The following HMGB1 variants were observed in gnomAD, a reference collection of about 807,000 sequenced individuals.
HMGB1 encodes the protein high mobility group protein B1.
For missense variants in HMGB1, 79 were observed against 253.5 expected (o/e 0.31, Z 4.67); for synonymous variants, 81 against 84.0 (o/e 0.96, Z 0.19).
intron 1 of HMGB1, among the ~76,000 whole-genome samples, chr13:30,517,310 T>A (rs1888123123): frequency 6.6e-6 from 1 of 152,266 alleles, no homozygotes. Flanking sequence ...CCACTGAGAA[T>A]GCAGTTCTTA....
At chr13:30,595,301 C>T (rs1358314608) in intron 1 of HMGB1, among the ~76,000 whole-genome samples, 14 of 152,070 alleles carry the variant, frequency 9.2e-5, no homozygotes, top group Admixed American at 8.5e-4. Context: ...AGGTAATTTG[C>T]ACCTTTCCAA....
chr13:30,481,247 G>A (rs1399730809), intron 1 of HMGB1, among the ~76,000 whole-genome samples: 1 of 144,514 alleles, frequency 6.9e-6, no homozygotes, highest in African/African-American at 2.6e-5. Flanking sequence ...TTTTTCAGAG[G>A]GATTTTTTGA....
intron 1 of HMGB1, chr13:30,465,167 C>T (rs997436736): frequency 7.3e-6 from 7 of 963,354 alleles, no homozygotes; most frequent in African/African-American, 7.2e-5. Context: ...CCAGCGAGCG[C>T]AGCGGCGCCG....
chr13:30,522,713 T>C (rs1888267714), intron 1 of HMGB1, among the ~76,000 whole-genome samples: 1 of 148,440 alleles, frequency 6.7e-6, no homozygotes, highest in Non-Finnish European at 1.5e-5. Context: ...GCTTGGGTTA[T>C]GAAGGCAAAC....
chr13:30,521,121 C>A (rs1005458248), intron 1 of HMGB1, among the ~76,000 whole-genome samples: 1 of 152,166 alleles, frequency 6.6e-6, no homozygotes, highest in Admixed American at 6.6e-5. Flanking sequence ...AAGCCCAGAA[C>A]TGATCTTTGC....
upstream of HMGB1, among the ~76,000 whole-genome samples, chr13:30,468,257 GTTA>G (rs1455392308): frequency 3.9e-5 from 6 of 152,080 alleles, no homozygotes; most frequent in South Asian, 2.1e-4. Flanking sequence ...TGTTGTTGTT[GTTA>G]TTGTTGTTGT....
chr13:30,557,567 C>A (rs542931793), intron 1 of HMGB1, among the ~76,000 whole-genome samples: 1 of 152,312 alleles, frequency 6.6e-6, no homozygotes, highest in African/African-American at 2.4e-5. Context: ...CTTACACTTA[C>A]AGATTCACCT....
In HMGB1 at chr13:30,538,689, CTTT is replaced by C. The variant is rs1566019218; in HGVS notation, c.-14-74998_-14-74996del. On this transcript the variant is annotated intron_variant, in intron 1 of 4. Coordinates refer to the HMGB1 transcript ENST00000405805. Reference sequence around the variant, plus strand: ...CTTTCTTTCTTTCTTTCTTTCCTTTCTTTCTTTCTTTCTTTTTCTTTCTTTCTT... The same window carrying C: ...CTTTCTTTCTTTCTTTCTTTCCTTTCCTTTCTTTCTTTTTCTTTCTTTCTT... Among the ~76,000 whole-genome samples the C allele has an allele frequency of 1.5e-3, 97 of 65,856 alleles. 3 individuals are homozygous for C. In the South Asian group the frequency reaches 0.024, roughly 16 times the overall value. 43.2% of individuals were successfully genotyped at this position (65,856 alleles called of 152,430 possible).
At chr13:30,593,484 A>C (rs74043509) in intron 1 of HMGB1, among the ~76,000 whole-genome samples, 8,749 of 152,286 alleles carry the variant, frequency 0.057, 649 homozygotes, top group African/African-American at 0.17. Flanking sequence ...AGAAAGCCAC[A>C]AAAGTTCACC....
intron 1 of HMGB1, among the ~76,000 whole-genome samples, chr13:30,587,164 T>G (rs1015903759): frequency 7.2e-5 from 11 of 152,274 alleles, no homozygotes; most frequent in Middle Eastern, 3.4e-3. Context: ...ATAGGCTAAA[T>G]CAGTACTGGT....
intron 1 of HMGB1, among the ~76,000 whole-genome samples, chr13:30,591,623 C>T (rs1871377921): frequency 1.3e-5 from 2 of 151,922 alleles, no homozygotes; most frequent in South Asian, 4.2e-4. Context: ...GATTCTCCCA[C>T]CTCAGCCTCC....
In HMGB1 at chr13:30,460,490, A is replaced by C. The variant is rs1033461990; in HGVS notation, c.*867T>G. The C allele has an allele frequency of 1.3e-5, 2 of 152,062 alleles. No individual in the cohort carries two copies. Among genetic ancestry groups the C allele is most frequent in the African/African-American group, 4.8e-5 (2 of 41,332 alleles). The allele number at this position is 152,062 out of a possible 1,614,324, so 9.4% of individuals were successfully genotyped here. A position where few individuals can be genotyped will look rare whatever the true frequency, so the allele number is the denominator to read the frequency against. ...TTCTTTAATGTGGGAACTGCAAAAT[A>C]TAACTGCCATTACATGGTAATGGGA... is the stretch of plus-strand genomic sequence containing the variant. On this transcript the variant is annotated 3_prime_UTR_variant, in exon 5 of 5. Coordinates refer to ENST00000341423, the MANE Select transcript of HMGB1 (RefSeq NM_002128.7).
intron 1 of HMGB1, among the ~76,000 whole-genome samples, chr13:30,506,011 G>C (rs973925851): frequency 6.6e-6 from 1 of 152,146 alleles, no homozygotes; most frequent in African/African-American, 2.4e-5. Context: ...ACAGGTGTGA[G>C]CCACTGCACC....
At chr13:30,471,271 A>G (rs981001373) in intron 1 of HMGB1, among the ~76,000 whole-genome samples, 1 of 151,378 alleles carries the variant, frequency 6.6e-6, no homozygotes, top group African/African-American at 2.4e-5. Flanking sequence ...CGCCTGGCCT[A>G]TTTTATTTTA....
At chr13:30,554,988 A>T (rs1187412793) in intron 1 of HMGB1, among the ~76,000 whole-genome samples, 1 of 147,992 alleles carries the variant, frequency 6.8e-6, no homozygotes, top group Non-Finnish European at 1.5e-5. Flanking sequence ...AGGAGCACCC[A>T]CCAGCAGAAG....
At chr13:30,474,390 T>C (rs1887017526) in intron 1 of HMGB1, among the ~76,000 whole-genome samples, 1 of 152,200 alleles carries the variant, frequency 6.6e-6, no homozygotes, top group African/African-American at 2.4e-5. Flanking sequence ...TTATTGGAGT[T>C]ACATATTCTG....
At chr13:30,556,689 A>C (rs1219275118) in intron 1 of HMGB1, among the ~76,000 whole-genome samples, 2 of 152,254 alleles carry the variant, frequency 1.3e-5, no homozygotes, top group Non-Finnish European at 2.9e-5. Context: ...TCTCACTCAT[A>C]TGCGAAAGCT....
chr13:30,533,934 G>T (rs544298675), intron 1 of HMGB1, among the ~76,000 whole-genome samples: 1 of 148,042 alleles, frequency 6.8e-6, no homozygotes, highest in African/African-American at 2.5e-5. Flanking sequence ...GTGTGATCTC[G>T]GCTCACCGCA....
At chr13:30,580,234 G>C (rs1419242953) in intron 1 of HMGB1, among the ~76,000 whole-genome samples, 2 of 152,184 alleles carry the variant, frequency 1.3e-5, no homozygotes, top group Admixed American at 1.3e-4. Flanking sequence ...AACTTAGTAG[G>C]TGTTCAAAAA....
Sources: allele counts gnomAD v4.1 joint callset (sites outside exome capture counted in the v4.1 genomes callset), GRCh38; gene constraint gnomAD v4.1.1; transcripts MANE v1.5; gene names NCBI Gene and HGNC (gene_info 2026-07-23, HGNC 2026-07-21).